The following MCC variants were observed in gnomAD, a reference collection of about 807,000 sequenced individuals.
The protein encoded by MCC is MCC regulator of Wnt signaling pathway.
A neutral mutation model predicts 116.2 loss-of-function variants in MCC; 90 were observed. The observed-to-expected ratio is 0.77, with a 90% CI of 0.65 to 0.92. The LOEUF is 0.92. Among genes scored for constraint, MCC ranks in the 40% least tolerant of loss-of-function variants. The pLI, the probability that MCC is intolerant of heterozygous loss-of-function variation, is 0.00. For synonymous variants in MCC, 578 were observed against 510.5 expected (o/e 1.13, Z -1.78); for missense variants, 1,516 against 1,312.2 (o/e 1.16, Z -2.40).
intron 3 of MCC, among the ~76,000 whole-genome samples, chr5:113,223,725 G>A (rs572004341): frequency 6.6e-6 from 1 of 152,328 alleles, no homozygotes; most frequent in Admixed American, 6.5e-5. Context: ...GCAGAAACTG[G>A]TAAACTGGTC....
intron 5 of MCC, among the ~76,000 whole-genome samples, chr5:113,126,980 C>T (rs1176200147): frequency 6.6e-6 from 1 of 152,150 alleles, no homozygotes; most frequent in Non-Finnish European, 1.5e-5. Flanking sequence ...TCACCCAGCC[C>T]AATACCCAAT....
intron 2 of MCC, among the ~76,000 whole-genome samples, chr5:113,345,964 G>A (rs11959955): frequency 0.037 from 5,632 of 152,204 alleles, 349 homozygotes; most frequent in African/African-American, 0.13. Context: ...CTGTTTTGAG[G>A]AAACTCAAAG....
intron 14 of MCC, among the ~76,000 whole-genome samples, chr5:113,055,670 A>T (rs1752785013): frequency 6.6e-6 from 1 of 152,250 alleles, no homozygotes; most frequent in African/African-American, 2.4e-5. Flanking sequence ...CAGCCTGACC[A>T]TTAAACACCA....
At chr5:113,288,254 C>T (rs1485291228) in intron 3 of MCC, among the ~76,000 whole-genome samples, 1 of 152,236 alleles carries the variant, frequency 6.6e-6, no homozygotes, top group Non-Finnish European at 1.5e-5. Flanking sequence ...AGTGATTTGG[C>T]CAACTGTAGA....
At chr5:113,225,906 C>T (rs1464846629) in intron 3 of MCC, among the ~76,000 whole-genome samples, 1 of 152,254 alleles carries the variant, frequency 6.6e-6, no homozygotes, top group African/African-American at 2.4e-5. Context: ...GGCGTGGTGG[C>T]TCATGACTAT....
At chr5:113,307,565 T>A (rs1767020215) in intron 3 of MCC, among the ~76,000 whole-genome samples, 1 of 152,234 alleles carries the variant, frequency 6.6e-6, no homozygotes. Flanking sequence ...ATTTTCTATA[T>A]ACAAGATAAT....
intron 1 of MCC, among the ~76,000 whole-genome samples, chr5:113,484,698 T>A (rs967690575): frequency 6.6e-6 from 1 of 152,182 alleles, no homozygotes; most frequent in Non-Finnish European, 1.5e-5. Flanking sequence ...ACTTGGGAAC[T>A]CAAAAATGTT....
chr5:113,237,123 C>T (rs1764164212), intron 3 of MCC, among the ~76,000 whole-genome samples: 1 of 152,130 alleles, frequency 6.6e-6, no homozygotes, highest in Admixed American at 6.5e-5. Context: ...ATGTATACGC[C>T]TTCAGGGAAT....
At chr5:113,169,280 G>A (rs891622232) in intron 3 of MCC, among the ~76,000 whole-genome samples, 2 of 152,084 alleles carry the variant, frequency 1.3e-5, no homozygotes, top group African/African-American at 2.4e-5. Flanking sequence ...AGGAAGCCAA[G>A]AAACCCAGAA....
Position 113,307,974 on chromosome 5 carries a change from CT to C in MCC, c.627+32544del, listed in dbSNP as rs113157191. 5.6e-3 allele frequency among the ~76,000 whole-genome samples: 806 copies of C among 144,594 alleles called. 10 individuals are homozygous for C. The highest frequency in any genetic ancestry group is 0.021 in the East Asian group (105 of 4,986). The allele number at this position is 144,594 out of a possible 152,430, so 94.9% of individuals were successfully genotyped here. On this transcript the variant is annotated intron_variant, in intron 3 of 18. Transcript: ENST00000408903. ...TCAGCTCCATTTGCCTGTCTAAATC[CT>C]TTTTTTTTTTTTCTAAAGACAGAGT...
intron 1 of MCC, among the ~76,000 whole-genome samples, chr5:113,417,399 G>A (rs1050110710): frequency 6.6e-6 from 1 of 152,196 alleles, no homozygotes; most frequent in Non-Finnish European, 1.5e-5. Flanking sequence ...TAAGCTACCA[G>A]TGGCCATGCT....
At chr5:113,364,262 C>CAAAAAAAAAAAAAAAAAAAAAAAAAAA (rs1561538969) in intron 2 of MCC, among the ~76,000 whole-genome samples, 1 of 78,606 alleles carries the variant, frequency 1.3e-5, no homozygotes. Context: ...AAAAAAAAAC[C>CAAAAAAAAAAAAAAAAAAAAAAAAAAA]AGAAAAAAAA....
chr5:113,029,899 A>G (rs922836508), intron 17 of MCC, among the ~76,000 whole-genome samples: 1 of 152,194 alleles, frequency 6.6e-6, no homozygotes, highest in Non-Finnish European at 1.5e-5. Flanking sequence ...ACGCTCCCCC[A>G]TGGTCATGTT....
At chr5:113,296,078 C>A (rs773380848) in intron 3 of MCC, among the ~76,000 whole-genome samples, 2 of 152,182 alleles carry the variant, frequency 1.3e-5, no homozygotes, top group Non-Finnish European at 2.9e-5. Context: ...GATGGAGGTG[C>A]TGCTGGGATT....
chr5:113,150,857 T>C (rs769512026), intron 4 of MCC, among the ~76,000 whole-genome samples: 2 of 151,162 alleles, frequency 1.3e-5, no homozygotes, highest in Non-Finnish European at 3.0e-5. Context: ...AGCTCAGGAG[T>C]TCAAGATCAG....
chr5:113,302,412 T>G (rs900699686), intron 3 of MCC, among the ~76,000 whole-genome samples: 3 of 152,212 alleles, frequency 2.0e-5, no homozygotes, highest in Admixed American at 1.3e-4. Flanking sequence ...AATGGCAATA[T>G]GTGGACTTTG....
intron 1 of MCC, among the ~76,000 whole-genome samples, chr5:113,424,768 A>T (rs1241843456): frequency 6.6e-6 from 1 of 152,118 alleles, no homozygotes; most frequent in African/African-American, 2.4e-5. Context: ...AATAACATTA[A>T]CAAAAAACTC....
At chr5:113,148,087 A>G (rs1218159128) in intron 4 of MCC, among the ~76,000 whole-genome samples, 2 of 152,240 alleles carry the variant, frequency 1.3e-5, no homozygotes, top group Non-Finnish European at 2.9e-5. Context: ...ATTTAAAATA[A>G]TTGTTGGTAC....
chr5:113,302,662 T>C (rs991091736), intron 3 of MCC, among the ~76,000 whole-genome samples: 15 of 152,184 alleles, frequency 9.9e-5, no homozygotes, highest in African/African-American at 2.7e-4. Context: ...GTCAAAGTAC[T>C]AGAGGAGGTG....
Sources: allele counts gnomAD v4.1 joint callset (sites outside exome capture counted in the v4.1 genomes callset), GRCh38; gene constraint gnomAD v4.1.1; transcripts MANE v1.5; gene names NCBI Gene and HGNC (gene_info 2026-07-23, HGNC 2026-07-21).